The following PCDH9 variants were observed in gnomAD, a reference collection of about 807,000 sequenced individuals.
The protein encoded by PCDH9 is protocadherin 9.
PCDH9 carries 24 observed loss-of-function variants against 70.6 expected under a neutral mutation model. That is an observed-to-expected ratio of 0.34 (90% CI 0.25 to 0.48). The LOEUF (loss-of-function observed/expected upper bound fraction) is 0.48. Ranked by LOEUF, PCDH9 falls within the 20% of genes least tolerant of loss-of-function variation. The probability of loss-of-function intolerance (pLI) is 0.99; values close to 1 mark genes in which losing one functional copy is unlikely to be tolerated. For missense variants in PCDH9, 1,281 were observed against 1,503.6 expected, an observed-to-expected ratio of 0.85 and a Z score of 2.45; for synonymous variants, 562 against 558.5, an observed-to-expected ratio of 1.01 and a Z score of -0.09.
intron 3 of PCDH9, among the ~76,000 whole-genome samples, chr13:66,651,419 C>T (rs1320029416): frequency 6.6e-6 from 1 of 151,808 alleles, no homozygotes; most frequent in Non-Finnish European, 1.5e-5. Flanking sequence ...TGAATAAATT[C>T]CCAGACACAT....
intron 2 of PCDH9, among the ~76,000 whole-genome samples, chr13:67,018,359 G>A (rs963309104): frequency 1.3e-5 from 2 of 152,050 alleles, no homozygotes; most frequent in Non-Finnish European, 2.9e-5. Context: ...GGTGGCTCAT[G>A]CCTGTAATCC....
intron 3 of PCDH9, among the ~76,000 whole-genome samples, chr13:66,800,765 A>G (rs898827390): frequency 5.3e-5 from 8 of 152,140 alleles, no homozygotes; most frequent in African/African-American, 1.7e-4. Flanking sequence ...ATCACAATAT[A>G]AGTCAAATTG....
intron 2 of PCDH9, among the ~76,000 whole-genome samples, chr13:66,913,263 A>G (rs2082500068): frequency 6.6e-6 from 1 of 152,018 alleles, no homozygotes; most frequent in African/African-American, 2.4e-5. Flanking sequence ...GGTGGGGGAG[A>G]GAGAGAGAAA....
At chr13:66,862,620 A>G (rs1379968602) in intron 3 of PCDH9, among the ~76,000 whole-genome samples, 2 of 152,204 alleles carry the variant, frequency 1.3e-5, no homozygotes, top group Non-Finnish European at 2.9e-5. Context: ...GTGCAATGAA[A>G]ATTAGTTGTT....
At chr13:67,161,485 T>C (rs2087957201) in intron 2 of PCDH9, among the ~76,000 whole-genome samples, 2 of 152,170 alleles carry the variant, frequency 1.3e-5, no homozygotes, top group Non-Finnish European at 2.9e-5. Flanking sequence ...AATAGCTAAA[T>C]CTCTTTTTTC....
chr13:66,831,411 G>C lies in PCDH9; in HGVS notation c.3138+72093C>G, dbSNP rs554195750. Among the ~76,000 whole-genome samples the C allele has an allele frequency of 3.9e-5, 6 of 152,204 alleles. No homozygotes were observed. The South Asian group carries it at 8.3e-4, about 21-fold the overall frequency. On this transcript the variant is annotated intron_variant, in intron 3 of 4. Coordinates refer to ENST00000377865, the MANE Select transcript of PCDH9 (RefSeq NM_203487.3). Reference sequence around the variant, plus strand: ...TTGTTTTACTTATCTTTCATATTCTGAATTTTTAAAAGGGAATTCCAGAGT... The same window carrying C: ...TTGTTTTACTTATCTTTCATATTCTCAATTTTTAAAAGGGAATTCCAGAGT...
chr13:66,881,326 T>G (rs1162078218), intron 3 of PCDH9, among the ~76,000 whole-genome samples: 2 of 152,134 alleles, frequency 1.3e-5, no homozygotes, highest in African/African-American at 4.8e-5. Context: ...GGTCTCACAA[T>G]CATGGCAGAA....
intron 3 of PCDH9, chr13:66,876,919 G>A (rs1343611710): frequency 1.3e-5 from 2 of 151,752 alleles, no homozygotes; most frequent in African/African-American, 2.4e-5. Context: ...TCTCACATAC[G>A]GTAAGGGTTT....
chr13:67,154,598 A>ATC (rs2087755684), intron 2 of PCDH9, among the ~76,000 whole-genome samples: 1 of 85,784 alleles, frequency 1.2e-5, no homozygotes, highest in Non-Finnish European at 2.2e-5. Flanking sequence ...AAAAAAAAAT[A>ATC]TATATATACA....
intron 4 of PCDH9, among the ~76,000 whole-genome samples, chr13:66,630,155 A>T (rs972269227): frequency 6.6e-6 from 1 of 151,118 alleles, no homozygotes; most frequent in Non-Finnish European, 1.5e-5. Context: ...AAGCAAAAAT[A>T]TTTTTTTTTG....
At chr13:66,312,932 C>T (rs1303942210) in intron 4 of PCDH9, among the ~76,000 whole-genome samples, 2 of 152,170 alleles carry the variant, frequency 1.3e-5, no homozygotes, top group Non-Finnish European at 2.9e-5. Flanking sequence ...TACAATAACA[C>T]ATGGCCACGC....
At chr13:66,848,942 A>AG (rs1175794527) in intron 3 of PCDH9, among the ~76,000 whole-genome samples, 8 of 151,554 alleles carry the variant, frequency 5.3e-5, no homozygotes, top group Non-Finnish European at 1.2e-4. Flanking sequence ...AAAAAAAAAA[A>AG]AAAAAAAAAA....
chr13:66,818,164 T>C (rs1180211793), intron 3 of PCDH9, among the ~76,000 whole-genome samples: 3 of 152,170 alleles, frequency 2.0e-5, no homozygotes, highest in Non-Finnish European at 4.4e-5. Flanking sequence ...TTTCAGCATA[T>C]TAATTAAATT....
At chr13:66,417,171 C>G (rs1296141497) in intron 4 of PCDH9, among the ~76,000 whole-genome samples, 1 of 152,082 alleles carries the variant, frequency 6.6e-6, no homozygotes, top group African/African-American at 2.4e-5. Flanking sequence ...TGCTATTCCT[C>G]CCCCTTACCC....
intron 4 of PCDH9, among the ~76,000 whole-genome samples, chr13:66,568,224 T>A (rs1416328321): frequency 1.3e-5 from 2 of 152,126 alleles, no homozygotes; most frequent in South Asian, 4.2e-4. Context: ...AACACAGCCA[T>A]GTGCAAATCA....
chr13:67,127,462 T>C (rs980824604), intron 2 of PCDH9, among the ~76,000 whole-genome samples: 16 of 152,264 alleles, frequency 1.1e-4, no homozygotes, highest in African/African-American at 3.9e-4. Context: ...ATGAAGCAGC[T>C]TGATGGAGCT....
At chr13:67,205,588 C>T (rs2089319615) in intron 2 of PCDH9, 2 of 152,174 alleles carry the variant, frequency 1.3e-5, no homozygotes, top group Non-Finnish European at 2.9e-5. Context: ...AGGGATATTA[C>T]GGAATGTGTG....
intron 3 of PCDH9, among the ~76,000 whole-genome samples, chr13:66,844,529 G>T (rs960603808): frequency 2.0e-5 from 3 of 150,882 alleles, no homozygotes; most frequent in Non-Finnish European, 2.9e-5. Context: ...AGGTTGCAGT[G>T]AGCCGAGATC....
At chr13:67,213,007 C>G (rs1360934955) in intron 2 of PCDH9, 1 of 151,572 alleles carries the variant, frequency 6.6e-6, no homozygotes, top group Non-Finnish European at 1.5e-5. Context: ...GTCAGGAGAT[C>G]GAGACCATCC....
Sources: gnomAD v4.1 joint callset for allele counts (sites outside exome capture counted in the v4.1 genomes callset) on GRCh38, gnomAD v4.1.1 for gene constraint, MANE v1.5 for transcripts, NCBI Gene and HGNC (gene_info 2026-07-23, HGNC 2026-07-21) for gene names.